FRMD3: variants seen among roughly 807,000 people sequenced by gnomAD.
FRMD3 encodes FERM domain containing 3.
A neutral mutation model predicts 70.2 loss-of-function variants in FRMD3; 33 were observed. That is an observed-to-expected ratio of 0.47 (90% confidence interval 0.36 to 0.63). The LOEUF (loss-of-function observed/expected upper bound fraction) is 0.63, where lower values mean the gene tolerates loss of function less well. Ranked by LOEUF, FRMD3 falls within the 20% of genes least tolerant of loss-of-function variation. The pLI is 0.00. For synonymous variants in FRMD3, 279 were observed against 255.9 expected (o/e 1.09, Z -0.86); for missense variants, 632 against 711.4 (o/e 0.89, Z 1.27).
chr9:83,549,658 G>A, the FRMD3 span, among the ~76,000 whole-genome samples: 2 of 152,106 alleles, frequency 1.3e-5, no homozygotes, highest in African/African-American at 2.4e-5. Flanking sequence ...GGTGTGAGAT[G>A]CTATCTCATT....
intron 1 of FRMD3, among the ~76,000 whole-genome samples, chr9:83,419,358 CA>C (rs1462699934): frequency 2.0e-5 from 3 of 152,124 alleles, no homozygotes; most frequent in Non-Finnish European, 4.4e-5. Context: ...GCAGTTTTAT[CA>C]GGCATTATGA....
chr9:83,313,970 G>T (rs1248329843), intron 6 of FRMD3, among the ~76,000 whole-genome samples: 1 of 152,126 alleles, frequency 6.6e-6, no homozygotes, highest in Non-Finnish European at 1.5e-5. Flanking sequence ...AAACCCACAC[G>T]CACTCTGAGC....
At chr9:83,468,624 C>G (rs988852620) in intron 1 of FRMD3, among the ~76,000 whole-genome samples, 1 of 152,190 alleles carries the variant, frequency 6.6e-6, no homozygotes, top group Non-Finnish European at 1.5e-5. Context: ...CTGTCACTGG[C>G]TATGTAAATC....
At chr9:83,431,171 C>A (rs1261694250) in intron 1 of FRMD3, among the ~76,000 whole-genome samples, 1 of 152,160 alleles carries the variant, frequency 6.6e-6, no homozygotes, top group Non-Finnish European at 1.5e-5. Flanking sequence ...TGTCCAATAG[C>A]GTGGATGTTT....
intron 10 of FRMD3, among the ~76,000 whole-genome samples, chr9:83,307,992 A>G (rs570160114): frequency 2.0e-5 from 3 of 152,314 alleles, no homozygotes; most frequent in African/African-American, 7.2e-5. Flanking sequence ...GTCCCCAAAC[A>G]TGCAGGAGGC....
intron 3 of FRMD3, among the ~76,000 whole-genome samples, chr9:83,365,609 A>C (rs1179186153): frequency 6.6e-6 from 1 of 152,080 alleles, no homozygotes; most frequent in African/African-American, 2.4e-5. Flanking sequence ...CACCATTTGG[A>C]TCTCTGAGAA....
rs1832201980 is a variant in FRMD3 at position 83,248,086 on chromosome 9, T to C, written c.1626A>G (p.Val542=). Residue 542 remains valine, a synonymous_variant, in exon 14 of 14, where the codon GTA becomes GTG. Coordinates refer to ENST00000304195, the MANE Select transcript of FRMD3 (RefSeq NM_174938.6). ...CCAAAAGGAGGAGGAGCAGGGGAAA[T>C]ACAAAGAGCAGCAGTCCCAGGCCCA... The part of the protein sequence containing the change: ...LVVGLGLLLF[V]FPLLLLLLES... 6.2e-7 allele frequency: 1 copy of C among 1,613,830 alleles called. No homozygotes were observed. The highest frequency in any genetic ancestry group is 8.5e-7 in the Non-Finnish European group (1 of 1,179,988).
At chr9:83,442,735 C>T (rs1355291224) in intron 1 of FRMD3, among the ~76,000 whole-genome samples, 1 of 151,892 alleles carries the variant, frequency 6.6e-6, no homozygotes, top group Non-Finnish European at 1.5e-5. Context: ...CAGGGTGAAA[C>T]AGCAGCACAG....
chr9:83,392,934 A>G (rs1825707168), intron 1 of FRMD3, among the ~76,000 whole-genome samples: 1 of 152,246 alleles, frequency 6.6e-6, no homozygotes, highest in Non-Finnish European at 1.5e-5. Context: ...AAAATCAAGC[A>G]GCTAATTTAA....
chr9:83,501,414 T>C (rs1377952702), intron 1 of FRMD3, among the ~76,000 whole-genome samples: 1 of 152,160 alleles, frequency 6.6e-6, no homozygotes, highest in African/African-American at 2.4e-5. Flanking sequence ...GGTACCCCAA[T>C]AATTTTTCAG....
intron 1 of FRMD3, among the ~76,000 whole-genome samples, chr9:83,482,956 G>A (rs1225718430): frequency 6.6e-6 from 1 of 152,208 alleles, no homozygotes; most frequent in Non-Finnish European, 1.5e-5. Flanking sequence ...TGTTGCAGGG[G>A]CATCCTGGCA....
chr9:83,303,060 G>A (rs374806546), intron 10 of FRMD3, among the ~76,000 whole-genome samples: 131 of 152,258 alleles, frequency 8.6e-4, no homozygotes, highest in African/African-American at 3.1e-3. Context: ...GCTATTCCAG[G>A]GGCTTGAAGA....
chr9:83,250,100 G>A (rs1014391615), intron 13 of FRMD3, among the ~76,000 whole-genome samples: 13 of 152,214 alleles, frequency 8.5e-5, no homozygotes, highest in African/African-American at 2.6e-4. Context: ...CCAGGTTCTC[G>A]CATTGGGACT....
intron 1 of FRMD3, chr9:83,467,888 G>T: frequency 9.9e-7 from 1 of 1,015,184 alleles, no homozygotes; most frequent in South Asian, 2.4e-5. Context: ...GCTTTTAATT[G>T]TTCAAGAACC....
chr9:83,429,623 C>T (rs3860919), intron 1 of FRMD3, among the ~76,000 whole-genome samples: 134,055 of 152,250 alleles, frequency 0.88, 59,416 homozygotes, highest in East Asian at 1. Flanking sequence ...ATCTACAAAA[C>T]TGAGATAATC....
chr9:83,438,942 A>C (rs945552174), intron 1 of FRMD3, among the ~76,000 whole-genome samples: 4 of 151,892 alleles, frequency 2.6e-5, no homozygotes, highest in Admixed American at 2.0e-4. Flanking sequence ...GAGAAAGAAA[A>C]CCCTTCTGGA....
chr9:83,310,447 A>G (rs747312957), intron 9 of FRMD3, 38 bp downstream of exon 9: 1 of 1,520,380 alleles, frequency 6.6e-7, no homozygotes, highest in Non-Finnish European at 9.1e-7. Context: ...TCTCATGCAC[A>G]CACAATAACA....
At chr9:83,281,020 A>G (rs1833958667) in intron 13 of FRMD3, among the ~76,000 whole-genome samples, 1 of 152,174 alleles carries the variant, frequency 6.6e-6, no homozygotes, top group African/African-American at 2.4e-5. Context: ...CAGATCTATT[A>G]TAAAGAGCCC....
At chr9:83,521,493 C>A (rs1829570794) in intron 1 of FRMD3, among the ~76,000 whole-genome samples, 1 of 152,118 alleles carries the variant, frequency 6.6e-6, no homozygotes, top group East Asian at 1.9e-4. Context: ...CACCACCTCT[C>A]CAGAAAAAAA....
Sources: allele counts gnomAD v4.1 joint callset (sites outside exome capture counted in the v4.1 genomes callset), GRCh38; gene constraint gnomAD v4.1.1; transcripts MANE v1.5; gene names NCBI Gene and HGNC (gene_info 2026-07-23, HGNC 2026-07-21).